CADM1: variants seen among roughly 807,000 people sequenced by gnomAD.
CADM1 encodes the protein cell adhesion molecule 1, also known as TSLC-1.
CADM1 carries 15 observed loss-of-function variants against 53.1 expected under a neutral mutation model. The ratio of observed to expected loss-of-function variants is 0.28; its 90% CI spans 0.19 to 0.44. The LOEUF (loss-of-function observed/expected upper bound fraction) is 0.44. CADM1 is among the 20% of genes least tolerant of loss of function. The pLI is 1.00. For missense variants in CADM1, 434 were observed against 611.3 expected (o/e 0.71, Z 3.06); for synonymous variants, 281 against 243.0 (o/e 1.16, Z -1.45).
chr11:115,289,593 C>CTTTTTTT (rs56766047), intron 1 of CADM1, among the ~76,000 whole-genome samples: 3 of 109,032 alleles, frequency 2.8e-5, no homozygotes, highest in Non-Finnish European at 3.8e-5. Context: ...CTTTTTTTTT[C>CTTTTTTT]TTTTTTTTTT....
Position 115,174,662 on chromosome 11 carries a change from T to C in CADM1, c.*1812A>G, listed in dbSNP as rs1938938445. 5.1e-6 allele frequency: 5 copies of C among 983,902 alleles called. No homozygotes were observed. The highest frequency in any genetic ancestry group is 1.7e-5 in the African/African-American group (1 of 57,184). 60.9% of individuals were successfully genotyped at this position (983,902 alleles called of 1,614,324 possible). On this transcript the variant is annotated 3_prime_UTR_variant, in exon 12 of 12. Transcript: ENST00000331581. ...TTTTTCCCCCTTAAATAAATCAGCA[T>C]AAGTTTTCCACATAATGTAACAATA...
At chr11:115,387,514 C>T (rs1340150150) in intron 1 of CADM1, among the ~76,000 whole-genome samples, 1 of 151,884 alleles carries the variant, frequency 6.6e-6, no homozygotes, top group Non-Finnish European at 1.5e-5. Context: ...TACTATCTAC[C>T]CTATTCTAAG....
chr11:115,399,213 C>T (rs927508023), intron 1 of CADM1: 1 of 152,142 alleles, frequency 6.6e-6, no homozygotes, highest in Non-Finnish European at 1.5e-5. Flanking sequence ...CTGTTGTATC[C>T]TTACGAAAAT....
chr11:115,422,369 T>C (rs1947779273), intron 1 of CADM1, among the ~76,000 whole-genome samples: 1 of 152,196 alleles, frequency 6.6e-6, no homozygotes, highest in Admixed American at 6.5e-5. Context: ...CTCAAACATC[T>C]GATTAAAAGG....
At chr11:115,241,684 G>T (rs369606338) in intron 1 of CADM1, among the ~76,000 whole-genome samples, 1 of 152,100 alleles carries the variant, frequency 6.6e-6, no homozygotes, top group African/African-American at 2.4e-5. Flanking sequence ...CATCATCATC[G>T]TCATCATTTC....
chr11:115,226,460 T>A (rs1190688181), intron 5 of CADM1, among the ~76,000 whole-genome samples: 3 of 152,142 alleles, frequency 2.0e-5, no homozygotes, highest in African/African-American at 7.2e-5. Context: ...GGGCCAATGA[T>A]CCCCAAAAGG....
At chr11:115,197,964 C>T (rs773750650) in intron 9 of CADM1, among the ~76,000 whole-genome samples, 3 of 152,212 alleles carry the variant, frequency 2.0e-5, no homozygotes, top group African/African-American at 4.8e-5. Context: ...CTGGTCTACC[C>T]TTCCATCTCA....
intron 1 of CADM1, among the ~76,000 whole-genome samples, chr11:115,392,858 C>T (rs1380918615): frequency 1.3e-5 from 2 of 151,714 alleles, no homozygotes; most frequent in African/African-American, 4.8e-5. Context: ...TAGCAAAATT[C>T]TGGAAAAATC....
intron 1 of CADM1, among the ~76,000 whole-genome samples, chr11:115,412,533 CT>C (rs1367910559): frequency 6.6e-6 from 1 of 152,166 alleles, no homozygotes; most frequent in Non-Finnish European, 1.5e-5. Context: ...TTCAAAATTG[CT>C]TGTCTATATG....
intron 1 of CADM1, among the ~76,000 whole-genome samples, chr11:115,382,453 A>G (rs1946602293): frequency 6.6e-6 from 1 of 152,190 alleles, no homozygotes; most frequent in Non-Finnish European, 1.5e-5. Flanking sequence ...GTAAGAGTTC[A>G]GAAACATGTA....
chr11:115,191,784 C>G (rs1939884239), intron 9 of CADM1, among the ~76,000 whole-genome samples: 1 of 152,202 alleles, frequency 6.6e-6, no homozygotes, highest in African/African-American at 2.4e-5. Context: ...AAATGTTAGA[C>G]ATTCAATGTG....
intron 1 of CADM1, among the ~76,000 whole-genome samples, chr11:115,491,925 G>A (rs975088651): frequency 6.6e-6 from 1 of 152,136 alleles, no homozygotes; most frequent in African/African-American, 2.4e-5. Context: ...ACACAGGGCA[G>A]GGAACATCAT....
intron 1 of CADM1, among the ~76,000 whole-genome samples, chr11:115,320,995 CAT>C (rs2093331009): frequency 6.6e-6 from 1 of 152,080 alleles, no homozygotes; most frequent in African/African-American, 2.4e-5. Flanking sequence ...GTAAAATCCA[CAT>C]AGTTCATACT....
intron 1 of CADM1, among the ~76,000 whole-genome samples, chr11:115,283,572 T>C (rs78691730): frequency 1.3e-4 from 20 of 152,320 alleles, no homozygotes; most frequent in African/African-American, 4.3e-4. Context: ...TAAGACCCTA[T>C]AGGGTTTAAA....
At chr11:115,200,504 T>G (rs1940369865) in intron 8 of CADM1, among the ~76,000 whole-genome samples, 1 of 151,826 alleles carries the variant, frequency 6.6e-6, no homozygotes, top group Non-Finnish European at 1.5e-5. Flanking sequence ...TTTCTTTTCT[T>G]TTTTTTTTGA....
intron 1 of CADM1, among the ~76,000 whole-genome samples, chr11:115,322,887 AATAAT>A (rs1333744835): frequency 2.0e-5 from 3 of 152,174 alleles, no homozygotes; most frequent in African/African-American, 7.2e-5. Flanking sequence ...CATTATAAAT[AATAAT>A]ATAATATTCA....
intron 1 of CADM1, among the ~76,000 whole-genome samples, chr11:115,441,439 A>G (rs1948309688): frequency 6.6e-6 from 1 of 152,228 alleles, no homozygotes; most frequent in Non-Finnish European, 1.5e-5. Flanking sequence ...GACATTTAAT[A>G]ATGATAACTG....
intron 1 of CADM1, among the ~76,000 whole-genome samples, chr11:115,392,925 G>T (rs190575649): frequency 6.6e-6 from 1 of 151,960 alleles, no homozygotes; most frequent in East Asian, 1.9e-4. Flanking sequence ...CCTGTAGTTC[G>T]CATGTGCTCA....
At position 115,260,083 on chromosome 11, in the gene CADM1, T is replaced by C. The variant is rs534541123; in HGVS notation, c.125-19663A>G. ...CTGGGACTATAGGCACATGCCACCA[T>C]GCCTAATTTTTTTACTTTTAATTTT... On this transcript the variant is annotated intron_variant, in intron 1 of 11. Coordinates refer to ENST00000331581, the MANE Select transcript of CADM1 (RefSeq NM_001301043.2). Among the ~76,000 whole-genome samples the C allele has an allele frequency of 2.0e-5, 3 of 152,184 alleles. No homozygotes were observed. In the South Asian group the frequency reaches 6.2e-4, roughly 32 times the overall value.
Sources: allele counts gnomAD v4.1 joint callset (sites outside exome capture counted in the v4.1 genomes callset), GRCh38; gene constraint gnomAD v4.1.1; transcripts MANE v1.5; gene names NCBI Gene and HGNC (gene_info 2026-07-23, HGNC 2026-07-21).